Variants in ESRRG observed in about 807,000 individuals in gnomAD.
ESRRG encodes the protein estrogen-related receptor gamma.
Under a neutral mutation model 44.0 loss-of-function variants are expected in ESRRG, and 13 were observed. The observed-to-expected ratio is 0.30, with a 90% CI of 0.19 to 0.47. The LOEUF (loss-of-function observed/expected upper bound fraction) is 0.47. ESRRG is among the 20% of genes least tolerant of loss of function. The probability of loss-of-function intolerance (pLI) is 1.00; values close to 1 mark genes in which losing one functional copy is unlikely to be tolerated. For synonymous variants in ESRRG, 215 were observed against 214.6 expected, an observed-to-expected ratio of 1.00 and a Z score of -0.02; for missense variants, 395 against 580.6, an observed-to-expected ratio of 0.68 and a Z score of 3.29.
intron 1 of ESRRG, among the ~76,000 whole-genome samples, chr1:217,044,513 C>T (rs967132469): frequency 6.6e-6 from 1 of 152,172 alleles, no homozygotes; most frequent in Non-Finnish European, 1.5e-5. Context: ...AATTCACATA[C>T]TAACTATTCC....
intron 1 of ESRRG, among the ~76,000 whole-genome samples, chr1:217,022,844 T>C (rs2080564833): frequency 6.6e-6 from 1 of 151,220 alleles, no homozygotes; most frequent in East Asian, 1.9e-4. Context: ...GGGAAGAAAG[T>C]AAGGAAGGGA....
At chr1:216,858,448 A>G (rs1170150302) in intron 2 of ESRRG, among the ~76,000 whole-genome samples, 2 of 151,864 alleles carry the variant, frequency 1.3e-5, no homozygotes, top group Non-Finnish European at 2.9e-5. Flanking sequence ...AAAAATAATA[A>G]TAATAAAATA....
chr1:216,608,481 T>C (rs1391636184), intron 3 of ESRRG, among the ~76,000 whole-genome samples: 3 of 152,174 alleles, frequency 2.0e-5, no homozygotes, highest in African/African-American at 4.8e-5. Context: ...AAGACCTTCT[T>C]AGGGAATCAC....
At chr1:217,039,205 T>C (rs1033250305) in intron 1 of ESRRG, among the ~76,000 whole-genome samples, 2 of 152,186 alleles carry the variant, frequency 1.3e-5, no homozygotes, top group African/African-American at 4.8e-5. Context: ...CATTTTCCTG[T>C]CTTCCTCTGA....
At chr1:216,960,832 C>G (rs988770913) in intron 1 of ESRRG, among the ~76,000 whole-genome samples, 1 of 152,050 alleles carries the variant, frequency 6.6e-6, no homozygotes. Flanking sequence ...TTCAAGCAGT[C>G]CTCCCACCTA....
At chr1:216,523,379 A>T (rs898482024) in intron 5 of ESRRG, among the ~76,000 whole-genome samples, 3 of 152,054 alleles carry the variant, frequency 2.0e-5, no homozygotes, top group Non-Finnish European at 2.9e-5. Context: ...AGAGGCAGGT[A>T]CCCCTGAGGT....
At chr1:216,555,737 T>G (rs1211878223) in intron 5 of ESRRG, among the ~76,000 whole-genome samples, 4 of 152,196 alleles carry the variant, frequency 2.6e-5, no homozygotes, top group South Asian at 4.1e-4. Context: ...GTCAATTTAG[T>G]GCATTTCACT....
intron 2 of ESRRG, among the ~76,000 whole-genome samples, chr1:216,878,896 T>C (rs1055124734): frequency 1.3e-5 from 2 of 152,208 alleles, no homozygotes; most frequent in Admixed American, 6.5e-5. Flanking sequence ...GATTTACGCA[T>C]CGTATTTATC....
At chr1:216,623,202 C>A (rs939649278) in intron 3 of ESRRG, among the ~76,000 whole-genome samples, 1 of 150,576 alleles carries the variant, frequency 6.6e-6, no homozygotes, top group South Asian at 2.1e-4. Flanking sequence ...CCTGCCTCAG[C>A]CTCCCGAGTT....
intron 3 of ESRRG, among the ~76,000 whole-genome samples, chr1:216,608,563 A>T (rs1356872209): frequency 6.6e-6 from 1 of 152,190 alleles, no homozygotes; most frequent in East Asian, 1.9e-4. Flanking sequence ...ATAGGACTGG[A>T]CAACATTACT....
At chr1:216,960,704 AT>A (rs1201584553) in intron 1 of ESRRG, among the ~76,000 whole-genome samples, 1 of 151,966 alleles carries the variant, frequency 6.6e-6, no homozygotes, top group Non-Finnish European at 1.5e-5. Context: ...TCCTGCCTTA[AT>A]CTCCTGAGTA....
intron 1 of ESRRG, among the ~76,000 whole-genome samples, chr1:216,696,431 C>T (rs1393006096): frequency 6.6e-6 from 1 of 151,944 alleles, no homozygotes; most frequent in Non-Finnish European, 1.5e-5. Context: ...TCAGTAAGTG[C>T]CATGATGTAC....
rs544069039 is a variant in ESRRG, at chr1:217,123,762, A to AG, written c.-230+13904dup. Among the ~76,000 whole-genome samples, 804 of 152,168 alleles carry AG rather than the reference A, an allele frequency of 5.3e-3. 8 individuals carry two copies. The highest frequency in any genetic ancestry group is 0.019 in the African/African-American group (770 of 41,510). On this transcript the variant is annotated intron_variant, in intron 1 of 8. Transcript: ENST00000366940. ...ACACTGGAGCCTGTTAGGGGAGAGT[A>AG]GGGGGGCAGCAAGAGCATTAGGGAA...
intron 1 of ESRRG, among the ~76,000 whole-genome samples, chr1:216,962,999 C>T (rs947887662): frequency 6.6e-6 from 1 of 152,142 alleles, no homozygotes; most frequent in African/African-American, 2.4e-5. Flanking sequence ...CACTTACAAG[C>T]CATATGACCC....
At chr1:216,843,869 C>CTT (rs10712887) in intron 2 of ESRRG, among the ~76,000 whole-genome samples, 9 of 143,954 alleles carry the variant, frequency 6.3e-5, no homozygotes, top group African/African-American at 1.8e-4. Flanking sequence ...TTCTTTCTTC[C>CTT]TTTTTTTTTT....
intron 1 of ESRRG, among the ~76,000 whole-genome samples, chr1:217,045,123 T>A (rs1054597475): frequency 1.3e-5 from 2 of 152,112 alleles, no homozygotes; most frequent in African/African-American, 4.8e-5. Flanking sequence ...GGAAATATAT[T>A]TTTTTAAATG....
At chr1:216,589,652 C>T (rs1228886366) in intron 3 of ESRRG, among the ~76,000 whole-genome samples, 3 of 151,816 alleles carry the variant, frequency 2.0e-5, no homozygotes, top group Non-Finnish European at 2.9e-5. Flanking sequence ...TATTCAAATC[C>T]CAGCACTCTG....
intron 1 of ESRRG, among the ~76,000 whole-genome samples, chr1:217,082,510 A>T (rs1178672164): frequency 2.0e-5 from 3 of 152,200 alleles, no homozygotes; most frequent in African/African-American, 7.2e-5. Context: ...TGAGAGCTCT[A>T]ATTCCAAAGC....
rs558564585 is a variant in ESRRG at position 216,792,384 on chromosome 1, T to C, written c.-13-114893A>G. Among the ~76,000 whole-genome samples the C allele has an allele frequency of 2.6e-5, 4 of 152,278 alleles. No individual in the cohort carries two copies. In the South Asian group the frequency reaches 8.3e-4, roughly 32 times the overall value. On this transcript the variant is annotated intron_variant, in intron 2 of 7. Transcript: ENST00000359162. ...CTGTCCCTCTAGCTATTACTCTCTA[T>C]ATATTTCCAGGGTTTTTTTTGCCAG...
Sources: gnomAD v4.1 joint callset for allele counts (sites outside exome capture counted in the v4.1 genomes callset) on GRCh38, gnomAD v4.1.1 for gene constraint, MANE v1.5 for transcripts, NCBI Gene and HGNC (gene_info 2026-07-23, HGNC 2026-07-21) for gene names.